The following PCSK4 variants were observed in gnomAD, a reference collection of about 807,000 sequenced individuals.
PCSK4 encodes testicular tissue protein Li 135.
A neutral mutation model predicts 80.3 loss-of-function variants in PCSK4; 64 were observed. The ratio of observed to expected loss-of-function variants is 0.80; its 90% CI spans 0.65 to 0.98. PCSK4 has a LOEUF of 0.98. Among genes scored for constraint, PCSK4 ranks in the 50% least tolerant of loss-of-function variants. PCSK4 has a pLI of 0.00. For synonymous variants in PCSK4, 561 were observed against 487.6 expected (o/e 1.15, Z -1.98); for missense variants, 1,213 against 1,093.6 (o/e 1.11, Z -1.54).
exon 13 of PCSK4, chr19:1,483,009 A>G: frequency 7.8e-6 from 9 of 1,159,062 alleles, no homozygotes; most frequent in Non-Finnish European, 8.7e-6. Context: ...TTCAGTGCTG[A>G]CGTCCAAGGG....
At chr19:1,486,645 G>A (rs1312186374) in intron 8 of PCSK4, among the ~76,000 whole-genome samples, 1 of 151,860 alleles carries the variant, frequency 6.6e-6, no homozygotes, top group African/African-American at 2.4e-5. Flanking sequence ...TGTTAGCCAG[G>A]ATGGTCTTGA....
At chr19:1,489,164 C>T (rs1270153775) in intron 2 of PCSK4, among the ~76,000 whole-genome samples, 3 of 146,346 alleles carry the variant, frequency 2.0e-5, no homozygotes, top group African/African-American at 5.1e-5. Context: ...CGGAGTCTCG[C>T]TCTGTCGCCC....
intron 8 of PCSK4, among the ~76,000 whole-genome samples, chr19:1,485,091 T>C (rs1168539771): frequency 6.6e-6 from 1 of 151,874 alleles, no homozygotes; most frequent in African/African-American, 2.4e-5. Flanking sequence ...GAGGTTGCAG[T>C]GAGCTAAGAT....
chr19:1,489,624 C>T (rs756278603), intron 2 of PCSK4, 169 bp downstream of exon 2: 5 of 1,239,420 alleles, frequency 4.0e-6, no homozygotes, highest in Non-Finnish European at 5.4e-6. Context: ...ATTTCCGTAT[C>T]TGGGTCTTCC....
intron 2 of PCSK4, among the ~76,000 whole-genome samples, chr19:1,488,642 G>A (rs1412215825): frequency 7.9e-5 from 12 of 151,912 alleles, no homozygotes; most frequent in African/African-American, 2.7e-4. Context: ...GTGCAGTGGC[G>A]CAATCTTGGC....
At chr19:1,486,131 C>A (rs1330061513) in intron 8 of PCSK4, among the ~76,000 whole-genome samples, 1 of 151,618 alleles carries the variant, frequency 6.6e-6, no homozygotes, top group African/African-American at 2.4e-5. Flanking sequence ...CGCCACCATG[C>A]CTGGCTAATT....
At position 1,489,835 on chromosome 19, in the gene PCSK4, G is replaced by T. The variant is rs1315362234; in HGVS notation, c.252C>A (p.Thr84=). 7.4e-6 allele frequency: 12 copies of T among 1,610,854 alleles called. No homozygotes were observed. The East Asian group carries it at 1.8e-4, about 24-fold the overall frequency. Reference sequence around the variant, plus strand: ...GGTGCAGGCGGTGGCCCCAGTGCGGGGTCAGGGACTGCTGGACCACGCCCC... The same window carrying T: ...GGTGCAGGCGGTGGCCCCAGTGCGGTGTCAGGGACTGCTGGACCACGCCCC... The change falls in exon 2 of 15, where the codon ACC becomes ACA. Residue 84 remains threonine, a synonymous_variant. Coordinates refer to ENST00000300954, the Ensembl canonical transcript of PCSK4.
chr19:1,490,046 C>T lies in PCSK4; in HGVS notation c.189+112G>A, dbSNP rs536383647. On this transcript the variant is annotated intron_variant, in intron 1 of 14. Transcript: ENST00000300954. ...TGAGCTTGGCTGAGGCAGGGGTGGG[C>T]TGGGACTCTTGATATTTAGAAGACC... 1,113 of 1,522,332 alleles carry T rather than the reference C, an allele frequency of 7.3e-4. 4 individuals carry two copies. In the African/African-American group the frequency reaches 0.012, roughly 17 times the overall value. The allele number at this position is 1,522,332 out of a possible 1,614,324, so 94.3% of individuals were successfully genotyped here.
chr19:1,486,454 G>A (rs1402249277), intron 8 of PCSK4, among the ~76,000 whole-genome samples: 4 of 151,784 alleles, frequency 2.6e-5, no homozygotes, highest in Non-Finnish European at 4.4e-5. Context: ...CCACCACCAC[G>A]CCCGGCTAAT....
chr19:1,484,197 C>T, intron 8 of PCSK4, 70 bp from the exon 9 acceptor site: 1 of 909,094 alleles, frequency 1.1e-6, no homozygotes, highest in Non-Finnish European at 1.7e-6. Context: ...TCAAAAAGTA[C>T]CAAGGACTGG....
chr19:1,489,855 C>A, exon 2 of PCSK4: 1 of 1,610,752 alleles, frequency 6.2e-7, no homozygotes, highest in South Asian at 1.1e-5. Flanking sequence ...TGCTGGACCA[C>A]GCCCCGGTGC....
chr19:1,483,945 C>CG lies in PCSK4; in HGVS notation c.1170-5dup, dbSNP rs1043967396. ...GTCTCTCCACGTCAGGAACGGGCTG[C>CG]GGGGGGCGGGGGCGGGGGCGGGTGA... is the stretch of plus-strand genomic sequence containing the variant. On this transcript the variant is annotated splice_region_variant and splice_polypyrimidine_tract_variant and intron_variant, in intron 9 of 14. Coordinates refer to ENST00000300954, the Ensembl canonical transcript of PCSK4. 1.9e-4 allele frequency: 207 copies of CG among 1,069,328 alleles called. 1 individual carries two copies. The highest frequency in any genetic ancestry group is 3.1e-4 in the Admixed American group (9 of 29,314). The allele number at this position is 1,069,328 out of a possible 1,614,324, so 66.2% of individuals were successfully genotyped here. A position where few individuals can be genotyped will look rare whatever the true frequency, so the allele number is the denominator to read the frequency against.
At chr19:1,482,550 C>T in intron 13 of PCSK4, 75 bp from the exon 14 acceptor site, 1 of 1,532,132 alleles carries the variant, frequency 6.5e-7, no homozygotes, top group Non-Finnish European at 8.8e-7. Flanking sequence ...TCCCCGGGCT[C>T]CCTCCCCTTC....
intron 11 of PCSK4, 53 bp from the exon 12 acceptor site, chr19:1,483,516 G>C: frequency 7.0e-7 from 1 of 1,427,386 alleles, no homozygotes; most frequent in South Asian, 1.2e-5. Flanking sequence ...GGGGTGGGTG[G>C]GCGGCCAGCA....
chr19:1,483,773 C>T lies in PCSK4; in HGVS notation c.1274-6G>A, dbSNP rs957283104. On this transcript the variant is annotated splice_region_variant and splice_polypyrimidine_tract_variant and intron_variant, in intron 10 of 14. Coordinates refer to ENST00000300954, the Ensembl canonical transcript of PCSK4. ...GTATCCGTAGTGATGGCTCACTGCG[C>T]GGAAGGGCAGCAGTCACTCGCCCCG... 13 of 1,575,960 alleles carry T rather than the reference C, an allele frequency of 8.2e-6. No homozygotes were observed. The Admixed American group carries it at 8.6e-5, about 10-fold the overall frequency.
chr19:1,481,949 G>T, exon 15 of PCSK4: 1 of 1,597,218 alleles, frequency 6.3e-7, no homozygotes. Flanking sequence ...TCTAAGCCGG[G>T]GGCGGCTGTC....
At chr19:1,490,303 G>T in exon 1 of PCSK4, 1 of 1,529,348 alleles carries the variant, frequency 6.5e-7, no homozygotes. Context: ...AAGGGCCAGG[G>T]CCAAGACCAG....
intron 14 of PCSK4, 25 bp from the exon 15 acceptor site, chr19:1,482,232 G>T (rs1161705722): frequency 6.6e-7 from 1 of 1,524,192 alleles, no homozygotes; most frequent in East Asian, 2.5e-5. Flanking sequence ...GCACGCAAAG[G>T]CCCGTCAGCT....
exon 13 of PCSK4, chr19:1,482,981 G>T: frequency 1.5e-6 from 2 of 1,370,418 alleles, no homozygotes; most frequent in Non-Finnish European, 1.9e-6. Flanking sequence ...TGGACATGAA[G>T]ACCCAGTTGT....
Sources: gnomAD v4.1 joint callset for allele counts (sites outside exome capture counted in the v4.1 genomes callset) on GRCh38, gnomAD v4.1.1 for gene constraint, MANE v1.5 for transcripts, NCBI Gene and HGNC (gene_info 2026-07-23, HGNC 2026-07-21) for gene names.